Variants in ERCC3 observed in about 807,000 individuals in gnomAD.
ERCC3 encodes general transcription and DNA repair factor IIH helicase/translocase subunit XPB.
Under a neutral mutation model 94.2 loss-of-function variants are expected in ERCC3, and 66 were observed. The observed-to-expected ratio is 0.70, with a 90% CI of 0.57 to 0.86. The LOEUF (loss-of-function observed/expected upper bound fraction) is 0.86, where lower values mean the gene tolerates loss of function less well. Ranked by LOEUF, ERCC3 falls within the 40% of genes least tolerant of loss-of-function variation. The probability of loss-of-function intolerance (pLI) is 0.00; values close to 1 mark genes in which losing one functional copy is unlikely to be tolerated. For missense variants in ERCC3, 829 were observed against 987.1 expected, an observed-to-expected ratio of 0.84 and a Z score of 2.15; for synonymous variants, 349 against 369.1, an observed-to-expected ratio of 0.95 and a Z score of 0.63.
At position 127,273,973 on chromosome 2, in the gene ERCC3, C is replaced by T. The variant is rs1177453093; in HGVS notation, c.1731-1012G>A. On this transcript the variant is annotated intron_variant, in intron 10 of 14. Transcript: ENST00000285398. ...AGACAATGAAGACAAACTACAGGTA[C>T]GCAGGACCTACCAACACCAGGCATT... 4.6e-5 allele frequency among the ~76,000 whole-genome samples: 7 copies of T among 150,856 alleles called. No homozygotes were observed. The South Asian group carries it at 1.1e-3, about 23-fold the overall frequency.
chr2:127,286,849 T>G lies in ERCC3; in HGVS notation c.1196A>C (p.Lys399Thr). Residue 399 changes from lysine to threonine, a missense_variant, in exon 8 of 15, where the codon AAG (lysine) becomes ACG (threonine). Coordinates refer to ENST00000285398, the MANE Select transcript of ERCC3 (RefSeq NM_000122.2). ...ICRFTSDAKD[K>T]PIGCSVAIST... Reference sequence around the variant, plus strand: ...AATGGCAACGGAGCAGCCGATGGGCTTGTCCTTGGCATCGGAGGTGAACCG... The same window carrying G: ...AATGGCAACGGAGCAGCCGATGGGCGTGTCCTTGGCATCGGAGGTGAACCG... The G allele has an allele frequency of 6.2e-7, 1 of 1,614,250 alleles. No homozygotes were observed. The highest frequency in any genetic ancestry group is 8.5e-7 in the Non-Finnish European group (1 of 1,180,044).
intron 8 of ERCC3, among the ~76,000 whole-genome samples, chr2:127,285,872 C>A (rs1159565970): frequency 1.3e-5 from 2 of 151,334 alleles, no homozygotes; most frequent in African/African-American, 2.4e-5. Context: ...GAAAAGAAAA[C>A]TTGGATCATG....
chr2:127,292,055 T>C (rs4150407), intron 3 of ERCC3: 84,899 of 183,616 alleles, frequency 0.46, 20,393 homozygotes, highest in East Asian at 0.62. Context: ...GGCTCTTGTC[T>C]ATGGACCACC....
Position 127,271,515 on chromosome 2 carries a change from A to AACTT in ERCC3, c.1828-63_1828-62insAAGT. 1.8e-6 allele frequency: 2 copies of AACTT among 1,084,518 alleles called. No homozygotes were observed. The highest frequency in any genetic ancestry group is 2.9e-6 in the Non-Finnish European group (2 of 698,822). 67.2% of individuals were successfully genotyped at this position (1,084,518 alleles called of 1,614,324 possible). ...AAAAAAAAAAAGTCAACTGATCCAG[A>AACTT]ATTTAAATAAGTTCTGTAGATAATT... On this transcript the variant is annotated intron_variant, in intron 11 of 14. Transcript: ENST00000285398. This position sits in a 1 kb window ranked among gnomAD's most constrained non-coding sequence, Gnocchi z 5.0.
Position 127,279,245 on chromosome 2 carries a change from C to G in ERCC3, c.1658G>C (p.Arg553Thr). ...ACQFLIKFHE[R>T]RNDKIIVFAD... ...AAAGACAATAATCTTGTCATTCCTC[C>G]TTTCATGAAACTTGATCAGAAACTG... is the stretch of plus-strand genomic sequence containing the variant. Residue 553 changes from arginine (R) to threonine (T), a missense_variant, in exon 10 of 15, where the codon AGG becomes ACG. Coordinates refer to ENST00000285398, the MANE Select transcript of ERCC3 (RefSeq NM_000122.2). The surrounding 1 kb of genome is among the most constrained non-coding windows in gnomAD (Gnocchi z 4.7). 1 of 1,613,780 alleles carries G rather than the reference C, an allele frequency of 6.2e-7. No individual in the cohort carries two copies. The highest frequency in any genetic ancestry group is 8.5e-7 in the Non-Finnish European group (1 of 1,179,684).
At chr2:127,283,379 C>T (rs1684976369) in intron 8 of ERCC3, among the ~76,000 whole-genome samples, 1 of 152,172 alleles carries the variant, frequency 6.6e-6, no homozygotes, top group African/African-American at 2.4e-5. Context: ...TCACTCAGCA[C>T]CATGCTTTTG....
chr2:127,289,079 C>G (rs576112783), intron 6 of ERCC3, among the ~76,000 whole-genome samples: 11 of 152,274 alleles, frequency 7.2e-5, no homozygotes, highest in African/African-American at 2.6e-4. Flanking sequence ...GCAAAATTGA[C>G]CTTCAGGCAC....
chr2:127,261,864 G>A (rs527416663), intron 12 of ERCC3: 10 of 188,972 alleles, frequency 5.3e-5, no homozygotes, highest in Non-Finnish European at 8.8e-5. Flanking sequence ...ACTAGAACCC[G>A]CATGCATTGC....
In ERCC3 at chr2:127,294,135, C is replaced by T. The variant is rs1427447419; in HGVS notation, c.-54G>A. 3.8e-6 allele frequency: 6 copies of T among 1,591,668 alleles called. No homozygotes were observed. Among genetic ancestry groups the T allele is most frequent in the African/African-American group, 1.3e-5 (1 of 74,574 alleles). On this transcript the variant is annotated 5_prime_UTR_variant, in exon 1 of 15. The change abolishes an upstream ATG in the 5' untranslated region. Transcript: ENST00000285398. ...CCCCGCTCCCACAGGCCCGCCGCGG[C>T]ATCCGCTCTGGGGGGACTTCCGGCT...
chr2:127,288,974 A>G (rs892514296), intron 6 of ERCC3, 110 bp from the exon 7 acceptor site: 7 of 908,048 alleles, frequency 7.7e-6, no homozygotes, highest in African/African-American at 6.5e-5. Flanking sequence ...CTAAACTTCT[A>G]CAAGATTTTA....
In ERCC3 at chr2:127,290,508, G is replaced by A. The variant is rs541450818; in HGVS notation, c.472-235C>T. The A allele has an allele frequency of 5.1e-6, 3 of 585,158 alleles. No individual in the cohort carries two copies. In the African/African-American group the frequency reaches 5.6e-5, roughly 11 times the overall value. The allele number at this position is 585,158 out of a possible 1,614,324, so 36.2% of individuals were successfully genotyped here. A position where few individuals can be genotyped will look rare whatever the true frequency, so the allele number is the denominator to read the frequency against. On this transcript the variant is annotated intron_variant, in intron 3 of 14. Transcript: ENST00000285398. ...GGTAATTCTGATGCATATCCATTAA[G>A]TTATAAAACGCTGCTTAAAATCTTG...
rs1685362067 is a variant in ERCC3 at position 127,293,727 on chromosome 2, T to C, written c.29-9A>G. The C allele has an allele frequency of 6.2e-7, 1 of 1,610,424 alleles. No individual in the cohort carries two copies. ...CCTGGATTTCTTCTTGTCTGCAAGA[T>C]ACCAACACAGAAGTAAGCCCAGCAG... is the stretch of plus-strand genomic sequence containing the variant. On this transcript the variant is annotated splice_polypyrimidine_tract_variant and intron_variant, in intron 1 of 14. Transcript: ENST00000285398.
At chr2:127,269,522 C>T (rs182161530) in intron 12 of ERCC3, among the ~76,000 whole-genome samples, 5,485 of 149,768 alleles carry the variant, frequency 0.037, 135 homozygotes, top group South Asian at 0.071. Flanking sequence ...CCCGGGTTCA[C>T]GCCATTCTCC....
In ERCC3 at chr2:127,280,807, G is replaced by A. The variant is rs996729574; in HGVS notation, c.1343-176C>T. 5.3e-5 allele frequency: 34 copies of A among 639,622 alleles called. No individual in the cohort carries two copies. Among genetic ancestry groups the A allele is most frequent in the Admixed American group, 7.4e-5 (3 of 40,502 alleles). 39.6% of individuals were successfully genotyped at this position (639,622 alleles called of 1,614,324 possible). ...CTCCCAAAGTGCTGGGATTACAGACGTGACCCACTGCACCCAGCCTACACT... is the reference window on the plus strand; with the variant it reads ...CTCCCAAAGTGCTGGGATTACAGACATGACCCACTGCACCCAGCCTACACT... On this transcript the variant is annotated intron_variant, in intron 8 of 14. Transcript: ENST00000285398. The surrounding 1 kb of genome is among the most constrained non-coding windows in gnomAD (Gnocchi z 6.3).
Position 127,288,775 on chromosome 2 carries a change from A to G in ERCC3, c.912T>C (p.Pro304=), listed in dbSNP as rs2104774674. 6.2e-7 allele frequency: 1 copy of G among 1,614,044 alleles called. No individual in the cohort carries two copies. The highest frequency in any genetic ancestry group is 2.2e-5 in the East Asian group (1 of 44,890). The change falls in exon 7 of 15, where the codon CCT becomes CCC. Residue 304 remains proline (P), a synonymous_variant. Transcript: ENST00000285398. ...EYDFRNDSVN[P]DINIDLKPTA... ...TGGGCTTTAGGTCAATGTTGATATC[A>G]GGGTTGACAGAATCATTCCGGAAGT...
At chr2:127,292,554 T>C in intron 3 of ERCC3, 56 bp downstream of exon 3, 1 of 1,104,588 alleles carries the variant, frequency 9.1e-7, no homozygotes, top group Non-Finnish European at 1.4e-6. Flanking sequence ...GGAGCACCTA[T>C]GCCTATTGTT....
rs769629379 is a variant in ERCC3, at chr2:127,271,302, A to C, written c.1945+34T>G. 7.1e-7 allele frequency: 1 copy of C among 1,415,082 alleles called. No homozygotes were observed. The highest frequency in any genetic ancestry group is 1.1e-5 in the South Asian group (1 of 87,150). The allele number at this position is 1,415,082 out of a possible 1,614,324, so 87.7% of individuals were successfully genotyped here. On this transcript the variant is annotated intron_variant, in intron 12 of 14. Coordinates refer to ENST00000285398, the MANE Select transcript of ERCC3 (RefSeq NM_000122.2). The surrounding 1 kb of genome is among the most constrained non-coding windows in gnomAD (Gnocchi z 5.0). Reference sequence around the variant, plus strand: ...TAACTAAAGTGGTTTAAGAGGAGTGACCTCCTGCAACAGAAGATGAAAGGC... The same window carrying C: ...TAACTAAAGTGGTTTAAGAGGAGTGCCCTCCTGCAACAGAAGATGAAAGGC...
At position 127,271,469 on chromosome 2, in the gene ERCC3, G is replaced by T; in HGVS notation, c.1828-16C>A. ...TGTCACCTACCTACAGAAACAAGTT[G>T]GAAGGTTTTTATATATGAGGAAAAA... is the stretch of plus-strand genomic sequence containing the variant. On this transcript the variant is annotated splice_polypyrimidine_tract_variant and intron_variant, in intron 11 of 14. Coordinates refer to ENST00000285398, the MANE Select transcript of ERCC3 (RefSeq NM_000122.2). This position sits in a 1 kb window ranked among gnomAD's most constrained non-coding sequence, Gnocchi z 5.0. 2.5e-6 allele frequency: 4 copies of T among 1,573,674 alleles called. No individual in the cohort carries two copies. Among genetic ancestry groups the T allele is most frequent in the Non-Finnish European group, 3.5e-6 (4 of 1,145,540 alleles).
chr2:127,270,672 T>G (rs1684519761), intron 12 of ERCC3, among the ~76,000 whole-genome samples: 1 of 152,222 alleles, frequency 6.6e-6, no homozygotes. Flanking sequence ...TGTCTCAGGA[T>G]GTGCCCTGGT....
Sources: allele counts gnomAD v4.1 joint callset (sites outside exome capture counted in the v4.1 genomes callset), GRCh38; gene constraint gnomAD v4.1.1; non-coding constraint Gnocchi (gnomAD v3.1); transcripts MANE v1.5; gene names NCBI Gene and HGNC (gene_info 2026-07-23, HGNC 2026-07-21).